AGBL1: variants seen among roughly 807,000 people sequenced by gnomAD.
AGBL1 encodes the protein cytosolic carboxypeptidase 4.
In AGBL1, 130 loss-of-function variants were observed where a neutral mutation model predicts 118.9. That is an observed-to-expected ratio of 1.09 (90% CI 0.95 to 1.26). The LOEUF is 1.26. AGBL1 is among the 50% of genes most tolerant of loss of function. The probability of loss-of-function intolerance (pLI) is 0.00; values close to 1 mark genes in which losing one functional copy is unlikely to be tolerated. For missense variants in AGBL1, 1,584 were observed against 1,298.1 expected (o/e 1.22, Z -3.38); for synonymous variants, 555 against 478.9 (o/e 1.16, Z -2.08).
At chr15:86,401,026 G>C (rs920333030) in intron 18 of AGBL1, among the ~76,000 whole-genome samples, 1 of 152,094 alleles carries the variant, frequency 6.6e-6, no homozygotes, top group Non-Finnish European at 1.5e-5. Flanking sequence ...AGTTCTTTAA[G>C]GAATCTCCAT....
chr15:86,476,490 T>C (rs929114091), intron 18 of AGBL1, among the ~76,000 whole-genome samples: 21 of 152,146 alleles, frequency 1.4e-4, no homozygotes, highest in African/African-American at 4.3e-4. Flanking sequence ...AAGAAGGCCA[T>C]TACATAATGG....
chr15:86,414,666 G>A (rs1028582688), intron 18 of AGBL1, among the ~76,000 whole-genome samples: 50 of 152,136 alleles, frequency 3.3e-4, no homozygotes, highest in African/African-American at 1.2e-3. Context: ...TCCAAGATGG[G>A]AAAAAATATA....
intron 7 of AGBL1, among the ~76,000 whole-genome samples, chr15:86,254,479 T>A (rs1201805559): frequency 2.0e-5 from 3 of 152,226 alleles, no homozygotes; most frequent in African/African-American, 7.2e-5. Flanking sequence ...ATCATGCAAG[T>A]AGGGTATTTA....
At chr15:86,991,514 T>A (rs2081335555) in intron 24 of AGBL1, among the ~76,000 whole-genome samples, 1 of 152,082 alleles carries the variant, frequency 6.6e-6, no homozygotes, top group Non-Finnish European at 1.5e-5. Context: ...AGAGATCAAG[T>A]CATTACAAAC....
chr15:86,723,418 C>T (rs1056937745), intron 22 of AGBL1, among the ~76,000 whole-genome samples: 1 of 152,168 alleles, frequency 6.6e-6, no homozygotes, highest in Non-Finnish European at 1.5e-5. Context: ...AAAAACCAAA[C>T]ACCACATGTT....
chr15:86,321,953 G>C (rs2080111242), intron 17 of AGBL1, among the ~76,000 whole-genome samples: 1 of 151,768 alleles, frequency 6.6e-6, no homozygotes, highest in South Asian at 2.1e-4. Context: ...AGTTTTTCAA[G>C]TATGTTCTGG....
chr15:86,953,123 T>C (rs998021591), intron 23 of AGBL1, among the ~76,000 whole-genome samples: 1 of 152,204 alleles, frequency 6.6e-6, no homozygotes. Context: ...TTTGTTCTTT[T>C]TGTTTACAAT....
intron 7 of AGBL1, among the ~76,000 whole-genome samples, chr15:86,252,782 G>T (rs542684964): frequency 4.6e-4 from 70 of 152,298 alleles, no homozygotes; most frequent in Admixed American, 9.8e-4. Context: ...GGGACAACTA[G>T]GACGTTTTGG....
intron 18 of AGBL1, among the ~76,000 whole-genome samples, chr15:86,424,386 CT>C (rs1251523815): frequency 2.6e-5 from 4 of 152,094 alleles, no homozygotes; most frequent in African/African-American, 9.7e-5. Context: ...CAAAAATTAA[CT>C]CAAGGTGGAT....
intron 21 of AGBL1, among the ~76,000 whole-genome samples, chr15:86,642,516 T>C (rs961423367): frequency 6.6e-6 from 1 of 152,130 alleles, no homozygotes; most frequent in Non-Finnish European, 1.5e-5. Flanking sequence ...AAAAAAATTG[T>C]GTTAAAGAGT....
intron 24 of AGBL1, among the ~76,000 whole-genome samples, chr15:87,017,773 G>A (rs2141795691): frequency 6.6e-6 from 1 of 152,250 alleles, no homozygotes; most frequent in Non-Finnish European, 1.5e-5. Context: ...CTCCAGGAAG[G>A]GCACAGAACA....
intron 15 of AGBL1, among the ~76,000 whole-genome samples, chr15:86,272,334 T>C (rs370572241): frequency 9.8e-5 from 15 of 152,342 alleles, no homozygotes; most frequent in African/African-American, 3.6e-4. Context: ...ATTGCTTATA[T>C]GTACATTTTC....
intron 22 of AGBL1, among the ~76,000 whole-genome samples, chr15:86,870,004 A>G (rs1259592169): frequency 6.6e-6 from 1 of 152,164 alleles, no homozygotes. Flanking sequence ...AAACCATTGC[A>G]TCAAAGTCAT....
At chr15:86,779,217 A>T (rs1246736423) in intron 22 of AGBL1, among the ~76,000 whole-genome samples, 2 of 152,174 alleles carry the variant, frequency 1.3e-5, no homozygotes, top group Non-Finnish European at 1.5e-5. Flanking sequence ...CCTTCCCACC[A>T]TGTGAGGACA....
At chr15:86,283,186 T>A (rs2141729060) in intron 16 of AGBL1, among the ~76,000 whole-genome samples, 1 of 152,310 alleles carries the variant, frequency 6.6e-6, no homozygotes, top group South Asian at 2.1e-4. Context: ...GTGTTAGCAA[T>A]AATCGTTACA....
At chr15:86,101,475 C>A (rs1292447367) in intron 1 of AGBL1, among the ~76,000 whole-genome samples, 1 of 151,798 alleles carries the variant, frequency 6.6e-6, no homozygotes, top group Non-Finnish European at 1.5e-5. Context: ...GTGCTGAAGT[C>A]CCCAACTATT....
intron 24 of AGBL1, chr15:87,028,771 A>C: frequency 6.4e-7 from 1 of 1,561,370 alleles, no homozygotes; most frequent in Non-Finnish European, 8.8e-7. Flanking sequence ...GGCACAAACC[A>C]GAAGTTACAC....
intron 17 of AGBL1, among the ~76,000 whole-genome samples, chr15:86,306,619 A>G (rs1400426003): frequency 6.6e-6 from 1 of 152,172 alleles, no homozygotes; most frequent in Non-Finnish European, 1.5e-5. Context: ...CAGTGCTGCA[A>G]TGAACATAGG....
rs1299052547 is a variant in AGBL1, at chr15:86,224,957, C to T, written c.526+6C>T. The T allele has an allele frequency of 2.5e-6, 4 of 1,612,852 alleles. No homozygotes were observed. The highest frequency in any genetic ancestry group is 2.2e-5 in the East Asian group (1 of 44,846). On this transcript the variant is annotated splice_donor_region_variant and intron_variant, in intron 6 of 22. Coordinates refer to ENST00000614907, the MANE Select transcript of AGBL1 (RefSeq NM_001386094.1). Reference sequence around the variant, plus strand: ...GGCAGCATTGCTGAAATCCAGTAAGCACCTCTTTTGAAGGGTGGCTATTTC... The same window carrying T: ...GGCAGCATTGCTGAAATCCAGTAAGTACCTCTTTTGAAGGGTGGCTATTTC...
Sources: gnomAD v4.1 joint callset for allele counts (sites outside exome capture counted in the v4.1 genomes callset) on GRCh38, gnomAD v4.1.1 for gene constraint, MANE v1.5 for transcripts, NCBI Gene and HGNC (gene_info 2026-07-23, HGNC 2026-07-21) for gene names.